Variants in CLSTN2 observed in about 807,000 individuals in gnomAD.
The protein encoded by CLSTN2 is calsyntenin 2, also known as calsyntenin-2.
CLSTN2 carries 48 observed loss-of-function variants against 101.2 expected under a neutral mutation model. That is an observed-to-expected ratio of 0.47 (90% CI 0.38 to 0.60). The LOEUF is 0.60. Ranked by LOEUF, CLSTN2 falls within the 20% of genes least tolerant of loss-of-function variation. The probability of loss-of-function intolerance (pLI) is 0.00; values close to 1 mark genes in which losing one functional copy is unlikely to be tolerated. For synonymous variants in CLSTN2, 481 were observed against 463.6 expected (o/e 1.04, Z -0.48); for missense variants, 1,160 against 1,238.2 (o/e 0.94, Z 0.95).
At chr3:140,240,174 C>CTCTCTCTCTCTCTCTATATATA (rs1311225528) in intron 2 of CLSTN2, among the ~76,000 whole-genome samples, 1 of 13,354 alleles carries the variant, frequency 7.5e-5, no homozygotes. Flanking sequence ...CTCTCTCTCT[C>CTCTCTCTCTCTCTCTATATATA]TATATATATA....
At chr3:139,986,078 CT>C (rs925604208) in intron 1 of CLSTN2, among the ~76,000 whole-genome samples, 1 of 152,136 alleles carries the variant, frequency 6.6e-6, no homozygotes, top group Non-Finnish European at 1.5e-5. Context: ...TCTTTAGCAT[CT>C]CTTTCTCAAG....
chr3:140,353,348 G>C (rs983431504), intron 2 of CLSTN2, among the ~76,000 whole-genome samples: 2 of 151,904 alleles, frequency 1.3e-5, no homozygotes, highest in African/African-American at 2.4e-5. Flanking sequence ...GCCAGTCCAA[G>C]TTCCAAAACT....
intron 2 of CLSTN2, among the ~76,000 whole-genome samples, chr3:140,308,683 G>A (rs1272208923): frequency 6.6e-6 from 1 of 152,224 alleles, no homozygotes; most frequent in Admixed American, 6.5e-5. Context: ...GAGTCTGGAT[G>A]TTGACAGTGT....
chr3:140,544,664 A>G (rs1276143398), intron 9 of CLSTN2, among the ~76,000 whole-genome samples: 8 of 150,232 alleles, frequency 5.3e-5, no homozygotes, highest in African/African-American at 1.7e-4. Flanking sequence ...TAATAATGCC[A>G]GGTGGTGAAG....
intron 2 of CLSTN2, among the ~76,000 whole-genome samples, chr3:140,237,377 C>T (rs932832428): frequency 1.3e-5 from 2 of 152,166 alleles, no homozygotes; most frequent in Admixed American, 6.6e-5. Flanking sequence ...ATTCTGCCAG[C>T]TCCTTTTTAG....
chr3:140,159,713 G>A lies in CLSTN2; in HGVS notation c.110-16238G>A, dbSNP rs557229981. 5.9e-5 allele frequency among the ~76,000 whole-genome samples: 9 copies of A among 152,144 alleles called. No individual in the cohort carries two copies. In the South Asian group the frequency reaches 1.9e-3, roughly 31 times the overall value. ...CATTCTACCAAAAAGACACACACTT[G>A]TATGTTCACTACAGCACAATTAACA... On this transcript the variant is annotated intron_variant, in intron 1 of 16. Coordinates refer to ENST00000458420, the MANE Select transcript of CLSTN2 (RefSeq NM_022131.3).
chr3:140,562,558 C>A lies in CLSTN2; in HGVS notation c.2212+250C>A, dbSNP rs572695043. On this transcript the variant is annotated intron_variant, in intron 13 of 16. Coordinates refer to ENST00000458420, the MANE Select transcript of CLSTN2 (RefSeq NM_022131.3). ...GAAGCTAGGTGGATGCCTTCTCTTACAATGTTTGATCTCAACAAATGTCAC... is the reference window on the plus strand; with the variant it reads ...GAAGCTAGGTGGATGCCTTCTCTTAAAATGTTTGATCTCAACAAATGTCAC... Among the ~76,000 whole-genome samples the A allele has an allele frequency of 2.2e-3, 331 of 152,340 alleles. 3 individuals carry two copies. The highest frequency in any genetic ancestry group is 7.4e-3 in the African/African-American group (309 of 41,574).
intron 4 of CLSTN2, among the ~76,000 whole-genome samples, chr3:140,410,858 A>G (rs763976685): frequency 4.0e-4 from 61 of 152,210 alleles, no homozygotes; most frequent in Non-Finnish European, 7.5e-4. Context: ...TTATCAGCTT[A>G]AAATAGACTG....
chr3:140,546,951 T>G (rs567434125), intron 10 of CLSTN2, among the ~76,000 whole-genome samples: 1 of 152,332 alleles, frequency 6.6e-6, no homozygotes, highest in Admixed American at 6.5e-5. Flanking sequence ...ATGTTCAATG[T>G]CCACCTGGAG....
chr3:140,316,678 A>G (rs2087234586), intron 2 of CLSTN2, among the ~76,000 whole-genome samples: 1 of 152,142 alleles, frequency 6.6e-6, no homozygotes, highest in Non-Finnish European at 1.5e-5. Context: ...TGCTTGGTGA[A>G]TACCTGCTGG....
chr3:140,304,680 T>C (rs1385590115), intron 2 of CLSTN2, among the ~76,000 whole-genome samples: 1 of 152,182 alleles, frequency 6.6e-6, no homozygotes, highest in Admixed American at 6.5e-5. Context: ...ATTTTGAAGA[T>C]GACTCTCCAG....
chr3:140,370,503 G>A (rs1157199528), intron 2 of CLSTN2, among the ~76,000 whole-genome samples: 1 of 152,104 alleles, frequency 6.6e-6, no homozygotes, highest in Non-Finnish European at 1.5e-5. Context: ...GAAGAAGGGA[G>A]GGAATTGTCA....
chr3:140,179,620 CAAAAAAA>C (rs57433306), intron 2 of CLSTN2, among the ~76,000 whole-genome samples: 477 of 37,480 alleles, frequency 0.013, 9 homozygotes, highest in African/African-American at 0.036. Flanking sequence ...GACCCTATCT[CAAAAAAA>C]AAAAAAAAAA....
intron 1 of CLSTN2, among the ~76,000 whole-genome samples, chr3:140,162,742 G>A (rs780170611): frequency 5.9e-5 from 9 of 152,250 alleles, no homozygotes; most frequent in African/African-American, 2.2e-4. Context: ...AGCAAAATTG[G>A]CCTGCCAGTG....
chr3:140,523,922 C>T (rs898396194), intron 8 of CLSTN2, among the ~76,000 whole-genome samples: 3 of 152,214 alleles, frequency 2.0e-5, no homozygotes. Flanking sequence ...CTGTTCAAAT[C>T]CTTTCTGTCT....
chr3:139,935,289 C>T lies in CLSTN2; in HGVS notation c.-86C>T. 3.0e-6 allele frequency: 2 copies of T among 676,246 alleles called. No homozygotes were observed. Among genetic ancestry groups the T allele is most frequent in the Non-Finnish European group, 2.1e-6 (1 of 486,594 alleles). The allele number at this position is 676,246 out of a possible 1,614,324, so 41.9% of individuals were successfully genotyped here. Reference sequence around the variant, plus strand: ...AGCGCACCCATCGGGCACGGCGAGGCGGCCCACGGTGCGGCAGGCACCGGG... The same window carrying T: ...AGCGCACCCATCGGGCACGGCGAGGTGGCCCACGGTGCGGCAGGCACCGGG... On this transcript the variant is annotated 5_prime_UTR_variant, in exon 1 of 17. Coordinates refer to ENST00000458420, the MANE Select transcript of CLSTN2 (RefSeq NM_022131.3). This position sits in a 1 kb window ranked among gnomAD's most constrained non-coding sequence, Gnocchi z 5.5.
chr3:139,959,261 G>A (rs1217128998), intron 1 of CLSTN2, among the ~76,000 whole-genome samples: 2 of 152,144 alleles, frequency 1.3e-5, no homozygotes, highest in African/African-American at 2.4e-5. Context: ...CCCTCCAGCT[G>A]TGGGGTGGTA....
At chr3:139,938,755 A>C (rs1405889355) in intron 1 of CLSTN2, among the ~76,000 whole-genome samples, 1 of 152,176 alleles carries the variant, frequency 6.6e-6, no homozygotes, top group Non-Finnish European at 1.5e-5. Flanking sequence ...CAAGACCTCA[A>C]GGACTTGGTA....
chr3:140,448,032 AATT>A (rs1423268072), intron 5 of CLSTN2, among the ~76,000 whole-genome samples: 2 of 152,162 alleles, frequency 1.3e-5, no homozygotes, highest in African/African-American at 2.4e-5. Context: ...TTAAAACATA[AATT>A]TTGAGATACT....
Sources: gnomAD v4.1 joint callset for allele counts (sites outside exome capture counted in the v4.1 genomes callset) on GRCh38, gnomAD v4.1.1 for gene constraint, Gnocchi (gnomAD v3.1) non-coding constraint, MANE v1.5 for transcripts, NCBI Gene and HGNC (gene_info 2026-07-23, HGNC 2026-07-21) for gene names.